ARID3A: variants seen among roughly 807,000 people sequenced by gnomAD.
The protein encoded by ARID3A is AT-rich interaction domain 3A, also known as AT-rich interactive domain-containing protein 3A.
ARID3A carries 11 observed loss-of-function variants against 52.7 expected under a neutral mutation model. That is an observed-to-expected ratio of 0.21 (90% CI 0.13 to 0.35). The LOEUF is 0.35. ARID3A is among the 10% of genes least tolerant of loss of function. ARID3A has a pLI of 1.00. For synonymous variants in ARID3A, 404 were observed against 359.4 expected (o/e 1.12, Z -1.40); for missense variants, 721 against 838.5 (o/e 0.86, Z 1.73).
chr19:951,831 C>T (rs1183396505), intron 3 of ARID3A, among the ~76,000 whole-genome samples: 3 of 152,152 alleles, frequency 2.0e-5, no homozygotes, highest in Non-Finnish European at 1.5e-5. Context: ...AGTGCAAAAA[C>T]GTGCCTTTTA....
intron 3 of ARID3A, among the ~76,000 whole-genome samples, chr19:955,790 C>T (rs2037904295): frequency 6.6e-6 from 1 of 152,180 alleles, no homozygotes; most frequent in Non-Finnish European, 1.5e-5. Context: ...CCTGGAAGGG[C>T]CCAAGGTGTG....
chr19:927,736 G>A (rs1171940771), intron 1 of ARID3A, among the ~76,000 whole-genome samples: 2 of 152,144 alleles, frequency 1.3e-5, no homozygotes, highest in Admixed American at 1.3e-4. Context: ...GGGGCTGGGT[G>A]CCGCCCTGGT....
chr19:930,209 C>T (rs2037292322), intron 2 of ARID3A, among the ~76,000 whole-genome samples: 2 of 151,742 alleles, frequency 1.3e-5, no homozygotes, highest in Admixed American at 1.3e-4. Context: ...GTGATTGTGC[C>T]ACTGCACTCC....
At position 971,953 on chromosome 19, in the gene ARID3A, G is replaced by A. The variant is rs1257650853; in HGVS notation, c.1670G>A (p.Ser557Asn). 5.0e-6 allele frequency: 8 copies of A among 1,599,730 alleles called. No individual in the cohort carries two copies. The highest frequency in any genetic ancestry group is 8.5e-7 in the Non-Finnish European group (1 of 1,173,978). The change falls in exon 9 of 9, where the codon AGC (serine) becomes AAC (asparagine). Residue 557 changes from serine to asparagine, a missense_variant. Transcript: ENST00000263620. Reference protein sequence around the residue: ...PNKGGGGGGGSSSNAGGRGGN... With the variant: ...PNKGGGGGGGNSSNAGGRGGN... ...AAAGGAGGCGGCGGCGGCGGCGGCAGCAGCAGCAACGCAGGCGGCCGGGGA... is the reference window on the plus strand; with the variant it reads ...AAAGGAGGCGGCGGCGGCGGCGGCAACAGCAGCAACGCAGGCGGCCGGGGA...
intron 8 of ARID3A, among the ~76,000 whole-genome samples, chr19:971,399 G>C (rs898782229): frequency 6.6e-6 from 1 of 152,188 alleles, no homozygotes; most frequent in African/African-American, 2.4e-5. Flanking sequence ...ATCACCTGAG[G>C]TCAGGAGTTG....
chr19:949,264 G>T (rs956144557), intron 3 of ARID3A, among the ~76,000 whole-genome samples: 22 of 152,150 alleles, frequency 1.4e-4, no homozygotes, highest in African/African-American at 5.3e-4. Flanking sequence ...GGGTGCCTGT[G>T]TGGAGGGGGA....
chr19:931,885 G>A (rs371341690), intron 2 of ARID3A, among the ~76,000 whole-genome samples: 1 of 152,128 alleles, frequency 6.6e-6, no homozygotes, highest in Non-Finnish European at 1.5e-5. Context: ...CAGTGGCGAG[G>A]GTGGGGCGGA....
At chr19:962,746 C>G (rs1599421890) in intron 4 of ARID3A, among the ~76,000 whole-genome samples, 1 of 151,938 alleles carries the variant, frequency 6.6e-6, no homozygotes, top group African/African-American at 2.4e-5. Context: ...AACTCCTGAC[C>G]TTGGGTGATC....
At chr19:965,199 C>T in intron 6 of ARID3A, 119 bp downstream of exon 6, 1 of 1,224,512 alleles carries the variant, frequency 8.2e-7, no homozygotes, top group Non-Finnish European at 1.1e-6. Flanking sequence ...CTATAGTTGG[C>T]ATGGAAAAGG....
At chr19:952,675 T>C (rs144282334) in intron 3 of ARID3A, among the ~76,000 whole-genome samples, 12 of 152,280 alleles carry the variant, frequency 7.9e-5, no homozygotes, top group Non-Finnish European at 1.6e-4. Context: ...TCCCAGCTCC[T>C]GCACCCCTCC....
rs954029856 is a variant in ARID3A, at chr19:973,628, C to T, written c.*1563C>T. 4.4e-6 allele frequency: 1 copy of T among 225,296 alleles called. No homozygotes were observed. The highest frequency in any genetic ancestry group is 2.2e-5 in the African/African-American group (1 of 44,786). 14.0% of individuals were successfully genotyped at this position (225,296 alleles called of 1,614,324 possible). A position where few individuals can be genotyped will look rare whatever the true frequency, so the allele number is the denominator to read the frequency against. On this transcript the variant is annotated 3_prime_UTR_variant, in exon 9 of 9. Transcript: ENST00000263620. ...TCACTCAGGGTGAGGATTTCAGGGC[C>T]CCGGCATCCTGAACACCCCCCACAC...
chr19:970,878 T>C (rs1241408257), intron 8 of ARID3A, among the ~76,000 whole-genome samples: 1 of 152,166 alleles, frequency 6.6e-6, no homozygotes, highest in African/African-American at 2.4e-5. Flanking sequence ...CCCGCCCGGC[T>C]GTGGTCAGAG....
intron 3 of ARID3A, among the ~76,000 whole-genome samples, chr19:933,647 G>C (rs1343598671): frequency 6.6e-6 from 1 of 152,104 alleles, no homozygotes; most frequent in Non-Finnish European, 1.5e-5. Context: ...AGCCTCCTAG[G>C]AGGGGCCAAG....
chr19:958,754 G>T (rs11882647), intron 3 of ARID3A, among the ~76,000 whole-genome samples: 2 of 151,980 alleles, frequency 1.3e-5, no homozygotes, highest in African/African-American at 2.4e-5. Flanking sequence ...TTATCCGGGC[G>T]TGGTGGCGGG....
At chr19:971,065 T>TTC (rs1217385055) in intron 8 of ARID3A, among the ~76,000 whole-genome samples, 2 of 152,200 alleles carry the variant, frequency 1.3e-5, no homozygotes, top group Non-Finnish European at 2.9e-5. Flanking sequence ...GGCATCAGGG[T>TTC]TCTCCCTGCA....
At chr19:933,217 G>A (rs975846209) in intron 3 of ARID3A, among the ~76,000 whole-genome samples, 1 of 152,160 alleles carries the variant, frequency 6.6e-6, no homozygotes, top group African/African-American at 2.4e-5. Flanking sequence ...GGGATGTGGG[G>A]GTGGCTCAGG....
chr19:966,881 T>A lies in ARID3A; in HGVS notation c.1495+13T>A. On this transcript the variant is annotated intron_variant, in intron 7 of 8. Transcript: ENST00000263620. The stretch of plus-strand genomic sequence containing the variant: ...ATCAACAGCCAAGGTACTGCCCTCG[T>A]GCCCAGACCCGCTGTGCTTCCTGCG... 6.3e-7 allele frequency: 1 copy of A among 1,592,140 alleles called. No homozygotes were observed. Among genetic ancestry groups the A allele is most frequent in the South Asian group, 1.1e-5 (1 of 89,186 alleles).
intron 4 of ARID3A, among the ~76,000 whole-genome samples, chr19:963,382 A>T (rs960105618): frequency 6.6e-6 from 1 of 152,188 alleles, no homozygotes; most frequent in African/African-American, 2.4e-5. Context: ...TTGATCTCCT[A>T]AGTGCAGAAT....
rs369540658 is a variant in ARID3A at position 934,696 on chromosome 19, T to C, written c.693+1954T>C. On this transcript the variant is annotated intron_variant, in intron 3 of 8. Coordinates refer to ENST00000263620, the MANE Select transcript of ARID3A (RefSeq NM_005224.3). ...CCTCTGGGTCTTGCGGGAGACGGGA[T>C]TGGAACTCCGAGAAGATGAGGGCCT... Among the ~76,000 whole-genome samples the C allele has an allele frequency of 4.8e-4, 73 of 152,138 alleles. 1 individual carries two copies. In the South Asian group the frequency reaches 8.9e-3, roughly 19 times the overall value.
Sources: gnomAD v4.1 joint callset for allele counts (sites outside exome capture counted in the v4.1 genomes callset) on GRCh38, gnomAD v4.1.1 for gene constraint, MANE v1.5 for transcripts, NCBI Gene and HGNC (gene_info 2026-07-23, HGNC 2026-07-21) for gene names.